Variants in SNX25 observed in about 807,000 individuals in gnomAD.
SNX25 encodes the protein sorting nexin 25, also known as sorting nexin-25.
Under a neutral mutation model 113.7 loss-of-function variants are expected in SNX25, and 62 were observed. The observed-to-expected ratio is 0.55, with a 90% confidence interval of 0.44 to 0.67. The LOEUF is 0.67. SNX25 is among the 30% of genes least tolerant of loss of function. SNX25 has a pLI of 0.00. For missense variants in SNX25, 1,014 were observed against 1,161.0 expected, an observed-to-expected ratio of 0.87 and a Z score of 1.84; for synonymous variants, 421 against 436.2, an observed-to-expected ratio of 0.97 and a Z score of 0.43.
In SNX25 at chr4:185,363,236, A is replaced by G; in HGVS notation, c.2935-149A>G. ...TTCCCAGTCATCTCTGATTATAGTTACCAATATTAAATACTGTTTGAGAGT... is the reference window on the plus strand; with the variant it reads ...TTCCCAGTCATCTCTGATTATAGTTGCCAATATTAAATACTGTTTGAGAGT... On this transcript the variant is annotated intron_variant, in intron 18 of 18. Transcript: ENST00000652585. This position sits in a 1 kb window ranked among gnomAD's most constrained non-coding sequence, Gnocchi z 4.2. The G allele has an allele frequency of 1.5e-6, 1 of 666,014 alleles. No homozygotes were observed. The highest frequency in any genetic ancestry group is 2.5e-6 in the Non-Finnish European group (1 of 398,408). 41.3% of individuals were successfully genotyped at this position (666,014 alleles called of 1,614,324 possible).
rs1203225779 is a variant in SNX25 at position 185,209,620 on chromosome 4, C to G, written c.-207C>G. The G allele has an allele frequency of 1.9e-6, 1 of 536,910 alleles. No homozygotes were observed. Among genetic ancestry groups the G allele is most frequent in the Non-Finnish European group, 2.4e-6 (1 of 419,982 alleles). 33.3% of individuals were successfully genotyped at this position (536,910 alleles called of 1,614,324 possible). On this transcript the variant is annotated 5_prime_UTR_variant, in exon 1 of 19. Transcript: ENST00000652585. The surrounding 1 kb of genome is among the most constrained non-coding windows in gnomAD (Gnocchi z 5.2). The stretch of plus-strand genomic sequence containing the variant: ...TTCAGTCACAACACGGTGGGGCTCC[C>G]TGGCTGCGCCCGGCCCGGCAGCTAC...
At chr4:185,216,521 T>G (rs911006793) in intron 1 of SNX25, among the ~76,000 whole-genome samples, 57 of 146,628 alleles carry the variant, frequency 3.9e-4, no homozygotes, top group African/African-American at 1.3e-3. Context: ...TGGTTTTTTT[T>G]TTTTTTTTTT....
Position 185,329,439 on chromosome 4 carries a change from G to A in SNX25, c.1750-3156G>A, listed in dbSNP as rs561764539. 9.9e-5 allele frequency among the ~76,000 whole-genome samples: 15 copies of A among 152,230 alleles called. No homozygotes were observed. In the East Asian group the frequency reaches 2.3e-3, roughly 24 times the overall value. Reference sequence around the variant, plus strand: ...CCCAGACAAAAGACAGAGACCCAGCGTCCTCTTTCCTAAAGAGGACGGTTA... The same window carrying A: ...CCCAGACAAAAGACAGAGACCCAGCATCCTCTTTCCTAAAGAGGACGGTTA... On this transcript the variant is annotated intron_variant, in intron 9 of 18. Transcript: ENST00000652585.
Position 185,346,408 on chromosome 4 carries a change from G to T in SNX25, c.2188-129G>T, listed in dbSNP as rs2095286889. 6.1e-6 allele frequency: 4 copies of T among 659,416 alleles called. No homozygotes were observed. In the South Asian group the frequency reaches 7.8e-5, roughly 13 times the overall value. The allele number at this position is 659,416 out of a possible 1,614,324, so 40.8% of individuals were successfully genotyped here. A position where few individuals can be genotyped will look rare whatever the true frequency, so the allele number is the denominator to read the frequency against. On this transcript the variant is annotated intron_variant, in intron 12 of 18. Transcript: ENST00000652585. Reference sequence around the variant, plus strand: ...AATTCTTCGAGCCTCATTAAGATGGGTAGGTTTTCACCTCAGAGGAACAAG... The same window carrying T: ...AATTCTTCGAGCCTCATTAAGATGGTTAGGTTTTCACCTCAGAGGAACAAG...
chr4:185,311,950 C>CAAAAT lies in SNX25; in HGVS notation c.1344+1155_1344+1159dup, dbSNP rs528010871. Among the ~76,000 whole-genome samples the CAAAAT allele has an allele frequency of 1.2e-3, 186 of 152,098 alleles. 4 individuals carry two copies. In the South Asian group the frequency reaches 0.037, roughly 31 times the overall value. Reference sequence around the variant, plus strand: ...GGAAGTCTGTTGATGTTGCTATTAGCAAAATAAAATAAAATAAAATAAAAT... The same window carrying CAAAAT: ...GGAAGTCTGTTGATGTTGCTATTAGCAAAATAAAATAAAATAAAATAAAATAAAAT... On this transcript the variant is annotated intron_variant, in intron 7 of 18. Transcript: ENST00000652585.
chr4:185,302,539 T>C (rs565842982), intron 6 of SNX25, among the ~76,000 whole-genome samples: 2 of 152,294 alleles, frequency 1.3e-5, no homozygotes, highest in Non-Finnish European at 2.9e-5. Flanking sequence ...GTATTGATTG[T>C]TGTGGTGTGA....
chr4:185,287,137 G>T (rs1751452997), intron 5 of SNX25, among the ~76,000 whole-genome samples: 1 of 152,210 alleles, frequency 6.6e-6, no homozygotes, highest in Non-Finnish European at 1.5e-5. Context: ...GGACTCTTAA[G>T]AATTTGGATT....
intron 1 of SNX25, among the ~76,000 whole-genome samples, chr4:185,237,750 G>A (rs1170735090): frequency 6.6e-6 from 1 of 150,946 alleles, no homozygotes; most frequent in South Asian, 2.1e-4. Flanking sequence ...TTTTTTTTTG[G>A]TGTTGTTGTT....
the SNX25 span, among the ~76,000 whole-genome samples, chr4:185,375,298 A>C: frequency 2.0e-5 from 3 of 148,324 alleles, no homozygotes; most frequent in African/African-American, 7.4e-5. Context: ...CTCTACTAAA[A>C]CTACAAAAAT....
chr4:185,313,599 G>A (rs1053430706), intron 7 of SNX25, among the ~76,000 whole-genome samples: 13 of 152,158 alleles, frequency 8.5e-5, no homozygotes, highest in African/African-American at 1.4e-4. Context: ...TCAATGGAGT[G>A]AATATGCAAT....
intron 7 of SNX25, among the ~76,000 whole-genome samples, chr4:185,317,633 A>G (rs1344284412): frequency 1.3e-5 from 2 of 152,210 alleles, no homozygotes; most frequent in Admixed American, 6.5e-5. Flanking sequence ...ATGGAGTACT[A>G]TGCAGCCATA....
intron 6 of SNX25, among the ~76,000 whole-genome samples, chr4:185,304,424 C>T (rs1754155740): frequency 6.6e-6 from 1 of 152,212 alleles, no homozygotes; most frequent in Non-Finnish European, 1.5e-5. Flanking sequence ...AATGGCGCAT[C>T]TCGGCTCACC....
intron 7 of SNX25, among the ~76,000 whole-genome samples, chr4:185,317,906 T>G (rs1250941724): frequency 1.3e-5 from 2 of 152,034 alleles, no homozygotes. Context: ...TACCAGAAAC[T>G]TCACATTCTG....
chr4:185,337,976 GA>G (rs1437178123), intron 10 of SNX25, among the ~76,000 whole-genome samples: 1 of 152,152 alleles, frequency 6.6e-6, no homozygotes, highest in African/African-American at 2.4e-5. Flanking sequence ...CCTCTTTGGA[GA>G]AATGTCTATT....
rs557726049 is a variant in SNX25, at chr4:185,233,967, C to T, written c.430-13327C>T. ...CTGCCTCCCGGGTTCACACCATTCT[C>T]CTGCCTCAGCCTCCCGAGTAGCTGG... On this transcript the variant is annotated intron_variant, in intron 1 of 18. Coordinates refer to ENST00000652585, the MANE Select transcript of SNX25 (RefSeq NM_001378034.2). Among the ~76,000 whole-genome samples, 5 of 152,268 alleles carry T rather than the reference C, an allele frequency of 3.3e-5. No homozygotes were observed. In the South Asian group the frequency reaches 1.0e-3, roughly 32 times the overall value.
At chr4:185,260,007 A>G (rs1291199472) in intron 3 of SNX25, among the ~76,000 whole-genome samples, 1 of 152,118 alleles carries the variant, frequency 6.6e-6, no homozygotes, top group African/African-American at 2.4e-5. Context: ...ACGGTTTTCC[A>G]GCTTGCTGCC....
intron 2 of SNX25, among the ~76,000 whole-genome samples, chr4:185,252,987 C>T (rs945789622): frequency 1.3e-5 from 2 of 152,136 alleles, no homozygotes; most frequent in Non-Finnish European, 1.5e-5. Context: ...TTTGAGAAGG[C>T]AGAACAGTTA....
intron 1 of SNX25, among the ~76,000 whole-genome samples, chr4:185,239,378 G>C (rs577491723): frequency 6.6e-6 from 1 of 151,766 alleles, no homozygotes; most frequent in South Asian, 2.1e-4. Context: ...AGCTACTCGG[G>C]AGGCTGAGGC....
intron 1 of SNX25, among the ~76,000 whole-genome samples, chr4:185,241,663 C>T (rs916676926): frequency 1.3e-4 from 20 of 151,684 alleles, no homozygotes; most frequent in Admixed American, 7.9e-4. Context: ...TATTGTGATA[C>T]GCATACTGAA....
Sources: gnomAD v4.1 joint callset for allele counts (sites outside exome capture counted in the v4.1 genomes callset) on GRCh38, gnomAD v4.1.1 for gene constraint, Gnocchi (gnomAD v3.1) non-coding constraint, MANE v1.5 for transcripts, NCBI Gene and HGNC (gene_info 2026-07-23, HGNC 2026-07-21) for gene names.